Variants in LIFR observed in about 807,000 individuals in gnomAD.
The protein encoded by LIFR is LIF receptor subunit alpha.
In LIFR, 84 loss-of-function variants were observed where a neutral mutation model predicts 122.2. That is an observed-to-expected ratio of 0.69 (90% CI 0.58 to 0.82). The LOEUF (loss-of-function observed/expected upper bound fraction) is 0.82, where lower values mean the gene tolerates loss of function less well. LIFR is among the 40% of genes least tolerant of loss of function. The pLI is 0.00. For missense variants in LIFR, 1,294 were observed against 1,311.6 expected (o/e 0.99, Z 0.21); for synonymous variants, 422 against 434.7 (o/e 0.97, Z 0.36).
chr5:38,553,646 AT>A (rs1458312124), intron 1 of LIFR, among the ~76,000 whole-genome samples: 1 of 96,500 alleles, frequency 1.0e-5, no homozygotes. Flanking sequence ...ATATATATAT[AT>A]ATATATATAT....
At chr5:38,515,820 T>C (rs1746047737) in intron 5 of LIFR, among the ~76,000 whole-genome samples, 1 of 152,146 alleles carries the variant, frequency 6.6e-6, no homozygotes, top group African/African-American at 2.4e-5. Flanking sequence ...CTTCCCAGTG[T>C]GTGCAGCACA....
chr5:38,537,207 A>T (rs1747336332), intron 1 of LIFR, among the ~76,000 whole-genome samples: 1 of 152,220 alleles, frequency 6.6e-6, no homozygotes, highest in Non-Finnish European at 1.5e-5. Context: ...CCAGTTCCAT[A>T]CTGTGGGCAC....
At chr5:38,567,523 T>TTTATTTAC in intron 1 of LIFR, among the ~76,000 whole-genome samples, 1 of 148,512 alleles carries the variant, frequency 6.7e-6, no homozygotes, top group Non-Finnish European at 1.5e-5. Flanking sequence ...TATTTATTTA[T>TTTATTTAC]TTATTTATTT....
intron 1 of LIFR, among the ~76,000 whole-genome samples, chr5:38,538,500 T>C (rs1211386962): frequency 6.6e-6 from 1 of 152,202 alleles, no homozygotes; most frequent in Non-Finnish European, 1.5e-5. Context: ...AAACTCCAGA[T>C]GTACTGAATT....
intron 11 of LIFR, among the ~76,000 whole-genome samples, chr5:38,500,884 A>G (rs999766723): frequency 1.3e-5 from 2 of 152,196 alleles, no homozygotes; most frequent in African/African-American, 4.8e-5. Flanking sequence ...TTTAGAGCAT[A>G]AAAGATACTG....
At chr5:38,490,470 A>G (rs1744524488) in intron 14 of LIFR, 179 bp from the exon 15 acceptor site, 1 of 344,320 alleles carries the variant, frequency 2.9e-6, no homozygotes, top group Non-Finnish European at 5.2e-6. Context: ...AATTGACTAA[A>G]CAAAAATTAA....
chr5:38,523,594 G>A lies in LIFR; in HGVS notation c.398-12C>T. 1.9e-6 allele frequency: 3 copies of A among 1,605,014 alleles called. No homozygotes were observed. Among genetic ancestry groups the A allele is most frequent in the Non-Finnish European group, 2.6e-6 (3 of 1,172,518 alleles). ...ATCTGGAATTAAGGCTTTAAAAAGAGGAAACAAAAGAGAAAACTTAGTAAA... is the reference window on the plus strand; with the variant it reads ...ATCTGGAATTAAGGCTTTAAAAAGAAGAAACAAAAGAGAAAACTTAGTAAA... On this transcript the variant is annotated splice_polypyrimidine_tract_variant and intron_variant, in intron 4 of 19. Transcript: ENST00000453190.
At chr5:38,593,617 A>G (rs892903056) in intron 1 of LIFR, among the ~76,000 whole-genome samples, 2 of 152,184 alleles carry the variant, frequency 1.3e-5, no homozygotes, top group African/African-American at 4.8e-5. Flanking sequence ...CACATAAGGT[A>G]ATTGCAACAG....
At chr5:38,600,376 C>T (rs531343071), upstream of LIFR, among the ~76,000 whole-genome samples, 9 of 152,216 alleles carry the variant, frequency 5.9e-5, no homozygotes, top group Non-Finnish European at 8.8e-5. Context: ...AAATACTCTA[C>T]AGAGTTTGAC....
At chr5:38,601,929 G>A (rs1421697091) in intron 2 of LIFR, among the ~76,000 whole-genome samples, 1 of 152,142 alleles carries the variant, frequency 6.6e-6, no homozygotes, top group Non-Finnish European at 1.5e-5. Flanking sequence ...CTCACTGCTG[G>A]ATAATAACAC....
intron 13 of LIFR, 126 bp from the exon 14 acceptor site, chr5:38,493,911 T>C: frequency 1.3e-6 from 1 of 751,774 alleles, no homozygotes; most frequent in South Asian, 1.6e-5. Context: ...GTGCTCAAAC[T>C]AGATAAACCT....
chr5:38,595,106 A>G lies in LIFR; in HGVS notation c.-20+155T>C, dbSNP rs576623271. On this transcript the variant is annotated intron_variant, in intron 1 of 19. Coordinates refer to the LIFR transcript ENST00000263409. ...TCACAGGAAACCACACAAGAAATACACTTTTGTAGGACAAAGAGGTAAGGT... is the reference window on the plus strand; with the variant it reads ...TCACAGGAAACCACACAAGAAATACGCTTTTGTAGGACAAAGAGGTAAGGT... 36 of 175,222 alleles carry G rather than the reference A, an allele frequency of 2.1e-4. No individual in the cohort carries two copies. In the South Asian group the frequency reaches 4.8e-3, roughly 23 times the overall value. The allele number at this position is 175,222 out of a possible 1,614,324, so 10.9% of individuals were successfully genotyped here.
chr5:38,565,213 T>C (rs1339843820), intron 1 of LIFR, among the ~76,000 whole-genome samples: 1 of 152,246 alleles, frequency 6.6e-6, no homozygotes, highest in African/African-American at 2.4e-5. Flanking sequence ...TCCATTAATA[T>C]AGTTTTCAGT....
At position 38,481,063 on chromosome 5, in the gene LIFR, T is replaced by C. The variant is rs1174862634; in HGVS notation, c.*532A>G. The C allele has an allele frequency of 8.7e-6, 2 of 229,546 alleles. No individual in the cohort carries two copies. Among genetic ancestry groups the C allele is most frequent in the South Asian group, 1.6e-4 (1 of 6,200 alleles). The allele number at this position is 229,546 out of a possible 1,614,324, so 14.2% of individuals were successfully genotyped here. The stretch of plus-strand genomic sequence containing the variant: ...ATCGCTGTCACTACATTAAAAATTA[T>C]ATTAATTTTTGTGAATGCTGTGGAT... On this transcript the variant is annotated 3_prime_UTR_variant, in exon 20 of 20. Coordinates refer to ENST00000453190, the MANE Select transcript of LIFR (RefSeq NM_001127671.2).
At chr5:38,576,231 GC>G (rs1749380001) in intron 1 of LIFR, among the ~76,000 whole-genome samples, 1 of 152,106 alleles carries the variant, frequency 6.6e-6, no homozygotes, top group Non-Finnish European at 1.5e-5. Context: ...GTCTGTTATT[GC>G]AATAATCTGC....
chr5:38,503,523 A>G (rs971409898), intron 10 of LIFR, among the ~76,000 whole-genome samples: 1 of 152,188 alleles, frequency 6.6e-6, no homozygotes, highest in African/African-American at 2.4e-5. Flanking sequence ...ACTTACCACA[A>G]ATTACAAGAT....
At chr5:38,553,791 ATGTAT>A (rs1315088734) in intron 1 of LIFR, among the ~76,000 whole-genome samples, 3 of 150,826 alleles carry the variant, frequency 2.0e-5, no homozygotes, top group African/African-American at 7.3e-5. Flanking sequence ...AAGCTTTATA[ATGTAT>A]TAGGCTCAAT....
chr5:38,483,176 C>T (rs1272935919), intron 18 of LIFR, among the ~76,000 whole-genome samples: 1 of 152,044 alleles, frequency 6.6e-6, no homozygotes, highest in Non-Finnish European at 1.5e-5. Flanking sequence ...GTCACGAGTA[C>T]ACTGCAGGCT....
At chr5:38,513,819 T>A (rs148668490) in intron 5 of LIFR, among the ~76,000 whole-genome samples, 64 of 152,100 alleles carry the variant, frequency 4.2e-4, no homozygotes, top group South Asian at 1.2e-3. Flanking sequence ...TAAAAAAAAA[T>A]TTTTAACAGC....
Sources: gnomAD v4.1 joint callset for allele counts (sites outside exome capture counted in the v4.1 genomes callset) on GRCh38, gnomAD v4.1.1 for gene constraint, MANE v1.5 for transcripts, NCBI Gene and HGNC (gene_info 2026-07-23, HGNC 2026-07-21) for gene names.